The following ARID5B variants were observed in gnomAD, a reference collection of about 807,000 sequenced individuals.
ARID5B encodes the protein AT-rich interactive domain-containing protein 5B.
A neutral mutation model predicts 97.2 loss-of-function variants in ARID5B; 13 were observed. The ratio of observed to expected loss-of-function variants is 0.13; its 90% confidence interval spans 0.09 to 0.21. The LOEUF is 0.21. Among genes scored for constraint, ARID5B ranks in the 10% least tolerant of loss-of-function variants. The probability of loss-of-function intolerance (pLI) is 1.00; values close to 1 mark genes in which losing one functional copy is unlikely to be tolerated. For missense variants in ARID5B, 1,210 were observed against 1,465.3 expected, an observed-to-expected ratio of 0.83 and a Z score of 2.84; for synonymous variants, 556 against 570.3, an observed-to-expected ratio of 0.97 and a Z score of 0.36.
chr10:62,067,204 C>T (rs1450243503), intron 7 of ARID5B, among the ~76,000 whole-genome samples: 1 of 152,172 alleles, frequency 6.6e-6, no homozygotes, highest in Non-Finnish European at 1.5e-5. Flanking sequence ...CCTGCCTCAG[C>T]ATCCCGAGTA....
At chr10:62,006,494 T>C (rs1373506999) in intron 4 of ARID5B, among the ~76,000 whole-genome samples, 1 of 152,156 alleles carries the variant, frequency 6.6e-6, no homozygotes, top group Non-Finnish European at 1.5e-5. Context: ...CAAGTCACTC[T>C]TGGCACTTTC....
At chr10:61,933,756 T>C (rs1159305717) in intron 2 of ARID5B, among the ~76,000 whole-genome samples, 3 of 152,222 alleles carry the variant, frequency 2.0e-5, no homozygotes, top group African/African-American at 4.8e-5. Flanking sequence ...GCTTCATTTT[T>C]TCATTTATAG....
chr10:61,919,421 T>A (rs1222150934), intron 2 of ARID5B, among the ~76,000 whole-genome samples: 1 of 152,098 alleles, frequency 6.6e-6, no homozygotes, highest in Non-Finnish European at 1.5e-5. Context: ...AATCCAACTC[T>A]GAAAGATGCA....
rs1839705142 is a variant in ARID5B at position 62,046,119 on chromosome 10, G to A, written c.734-4769G>A. Reference sequence around the variant, plus strand: ...AGTCTCTCTGCAAAATGGGAAGGAAGAGTTGTTAACTGATGAGTCAATCCA... The same window carrying A: ...AGTCTCTCTGCAAAATGGGAAGGAAAAGTTGTTAACTGATGAGTCAATCCA... On this transcript the variant is annotated intron_variant, in intron 4 of 9. Transcript: ENST00000279873. Among the ~76,000 whole-genome samples the A allele has an allele frequency of 2.0e-5, 3 of 152,192 alleles. No individual in the cohort carries two copies. The South Asian group carries it at 6.2e-4, about 31-fold the overall frequency.
At chr10:61,943,880 C>A (rs1161272846) in intron 3 of ARID5B, among the ~76,000 whole-genome samples, 1 of 151,400 alleles carries the variant, frequency 6.6e-6, no homozygotes, top group African/African-American at 2.4e-5. Flanking sequence ...TTTTTTTTAT[C>A]CCCTTCCCCC....
chr10:61,935,847 C>A (rs1254601613), intron 2 of ARID5B, among the ~76,000 whole-genome samples: 3 of 152,178 alleles, frequency 2.0e-5, no homozygotes, highest in African/African-American at 7.2e-5. Flanking sequence ...CATTGTTTTA[C>A]ATTTTTTGTA....
At chr10:62,023,137 C>G (rs1839377220) in intron 4 of ARID5B, among the ~76,000 whole-genome samples, 2 of 152,222 alleles carry the variant, frequency 1.3e-5, no homozygotes, top group South Asian at 4.1e-4. Flanking sequence ...TTTCACACCC[C>G]TTACTATGAA....
intron 2 of ARID5B, among the ~76,000 whole-genome samples, chr10:61,918,502 G>A (rs890756506): frequency 5.9e-5 from 9 of 152,174 alleles, no homozygotes; most frequent in African/African-American, 1.9e-4. Context: ...CTTAGTGCTA[G>A]GCTGTTAATA....
intron 2 of ARID5B, among the ~76,000 whole-genome samples, chr10:61,914,802 A>T (rs1843871358): frequency 6.6e-6 from 1 of 152,212 alleles, no homozygotes; most frequent in Non-Finnish European, 1.5e-5. Flanking sequence ...TAGTATTTTG[A>T]CATTTCCATA....
chr10:61,983,380 G>A (rs1838803006), intron 3 of ARID5B, among the ~76,000 whole-genome samples: 1 of 152,242 alleles, frequency 6.6e-6, no homozygotes, highest in Non-Finnish European at 1.5e-5. Context: ...GACAAACATG[G>A]AATTTTTATA....
At chr10:62,020,472 A>G (rs61850777) in intron 4 of ARID5B, among the ~76,000 whole-genome samples, 5,187 of 152,300 alleles carry the variant, frequency 0.034, 143 homozygotes, top group Non-Finnish European at 0.055. Context: ...GGACTTTGAC[A>G]TCGGATATTC....
In ARID5B at chr10:62,091,101, T is replaced by C. The variant is rs1406945549; in HGVS notation, c.1638T>C (p.Pro546=). 5 of 1,614,014 alleles carry C rather than the reference T, an allele frequency of 3.1e-6. No homozygotes were observed. Among genetic ancestry groups the C allele is most frequent in the Non-Finnish European group, 4.2e-6 (5 of 1,180,020 alleles). ...CCACACCTCCACTCCCAAGTGCTCC[T>C]CTGGCCCCAGAAAAAGATTCAGCCT... ...KGPTPPLPSA[P]LAPEKDSALV... The change falls in exon 10 of 10, where the codon CCT becomes CCC. Residue 546 remains proline, a synonymous_variant. Transcript: ENST00000279873.
chr10:61,911,485 C>A (rs548342559), intron 2 of ARID5B, among the ~76,000 whole-genome samples: 7 of 152,134 alleles, frequency 4.6e-5, no homozygotes, highest in Non-Finnish European at 1.0e-4. Flanking sequence ...GTGGTGGTAA[C>A]ATTTGCATTA....
intron 4 of ARID5B, among the ~76,000 whole-genome samples, chr10:62,020,301 T>G (rs1203510854): frequency 6.6e-6 from 1 of 152,208 alleles, no homozygotes; most frequent in East Asian, 1.9e-4. Flanking sequence ...ACTGATTTTC[T>G]TAACATATAA....
At chr10:62,047,937 C>G (rs779208758) in intron 4 of ARID5B, among the ~76,000 whole-genome samples, 2 of 152,294 alleles carry the variant, frequency 1.3e-5, no homozygotes, top group East Asian at 1.9e-4. Flanking sequence ...CCATTCCCCC[C>G]ACCCCGTACT....
chr10:62,086,048 T>G (rs1201343472), intron 9 of ARID5B, 148 bp downstream of exon 9: 1 of 841,258 alleles, frequency 1.2e-6, no homozygotes. Flanking sequence ...GTTCCCCACA[T>G]AGTTCCCCAG....
intron 2 of ARID5B, among the ~76,000 whole-genome samples, chr10:61,911,711 T>TATG (rs1843807609): frequency 6.6e-6 from 1 of 152,212 alleles, no homozygotes; most frequent in African/African-American, 2.4e-5. Flanking sequence ...CCATACATTG[T>TATG]GCCTTATGTT....
intron 8 of ARID5B, among the ~76,000 whole-genome samples, chr10:62,082,892 C>G (rs759787417): frequency 6.6e-6 from 1 of 152,152 alleles, no homozygotes; most frequent in Admixed American, 6.5e-5. Flanking sequence ...CGTGCGAGAC[C>G]GTGCCCTGTT....
In ARID5B at chr10:62,013,815, T is replaced by TATATATATATATAC. The variant is rs915920250; in HGVS notation, c.733+13495_733+13496insTATATATATATACA. Among the ~76,000 whole-genome samples the TATATATATATATAC allele has an allele frequency of 6.8e-5, 10 of 147,416 alleles. 1 individual carries two copies. The highest frequency in any genetic ancestry group is 5.7e-4 in the Admixed American group (8 of 13,998). ...TTGGGTATATATATATATATATATA[T>TATATATATATATAC]ACCACATTTTCTCTTTTAATTTTTA... On this transcript the variant is annotated intron_variant, in intron 4 of 9. Transcript: ENST00000279873.
Sources: allele counts gnomAD v4.1 joint callset (sites outside exome capture counted in the v4.1 genomes callset), GRCh38; gene constraint gnomAD v4.1.1; transcripts MANE v1.5; gene names NCBI Gene and HGNC (gene_info 2026-07-23, HGNC 2026-07-21).